The following PLCXD3 variants were observed in gnomAD, a reference collection of about 807,000 sequenced individuals.
PLCXD3 encodes PI-PLC X domain-containing protein 3.
Under a neutral mutation model 25.5 loss-of-function variants are expected in PLCXD3, and 19 were observed. The observed-to-expected ratio is 0.75, with a 90% CI of 0.52 to 1.09. The LOEUF is 1.09. Ranked by LOEUF, PLCXD3 falls within the 50% of genes least tolerant of loss-of-function variation. PLCXD3 has a pLI of 0.00. For synonymous variants in PLCXD3, 174 were observed against 137.6 expected, an observed-to-expected ratio of 1.26 and a Z score of -1.85; for missense variants, 411 against 388.1, an observed-to-expected ratio of 1.06 and a Z score of -0.50.
intron 1 of PLCXD3, among the ~76,000 whole-genome samples, chr5:41,489,974 G>T (rs568652511): frequency 5.3e-5 from 8 of 151,914 alleles, no homozygotes; most frequent in South Asian, 2.1e-4. Flanking sequence ...ACACTATGTT[G>T]AATAGGAGCG....
intron 2 of PLCXD3, among the ~76,000 whole-genome samples, chr5:41,331,174 C>A (rs1309770387): frequency 6.6e-6 from 1 of 152,176 alleles, no homozygotes; most frequent in Admixed American, 6.5e-5. Flanking sequence ...TTGCAGATGA[C>A]ATGATTGTAT....
At chr5:41,315,637 G>A (rs115075654) in intron 2 of PLCXD3, among the ~76,000 whole-genome samples, 2,089 of 152,198 alleles carry the variant, frequency 0.014, 52 homozygotes, top group African/African-American at 0.048. Flanking sequence ...TTTATATCGC[G>A]GAAAATGCCA....
At chr5:41,336,682 A>G (rs765177) in intron 2 of PLCXD3, among the ~76,000 whole-genome samples, 12,858 of 151,958 alleles carry the variant, frequency 0.085, 830 homozygotes, top group East Asian at 0.35. Context: ...AAGCCACCTC[A>G]CTCAATGCCA....
intron 2 of PLCXD3, among the ~76,000 whole-genome samples, chr5:41,354,438 C>G (rs1198713435): frequency 6.6e-6 from 1 of 151,968 alleles, no homozygotes; most frequent in Non-Finnish European, 1.5e-5. Context: ...TTTTCTTTGA[C>G]TCCTCATTTC....
At chr5:41,358,399 G>A (rs111267943) in intron 2 of PLCXD3, among the ~76,000 whole-genome samples, 13,506 of 152,064 alleles carry the variant, frequency 0.089, 890 homozygotes, top group East Asian at 0.35. Context: ...TAGTGCACCC[G>A]TCGCCTGAGC....
intron 1 of PLCXD3, among the ~76,000 whole-genome samples, chr5:41,441,240 C>T (rs1048792004): frequency 6.6e-6 from 1 of 152,052 alleles, no homozygotes; most frequent in African/African-American, 2.4e-5. Flanking sequence ...GGATACCTGG[C>T]AAAAAGGATA....
chr5:41,346,106 C>A (rs1744295846), intron 2 of PLCXD3, among the ~76,000 whole-genome samples: 1 of 152,134 alleles, frequency 6.6e-6, no homozygotes, highest in South Asian at 2.1e-4. Flanking sequence ...GTCTCGAACT[C>A]CTGACCTCAG....
At chr5:41,488,822 G>T (rs1196292268) in intron 1 of PLCXD3, among the ~76,000 whole-genome samples, 2 of 148,858 alleles carry the variant, frequency 1.3e-5, no homozygotes. Context: ...GTAGATTCTG[G>T]ATATTAGCCC....
At chr5:41,365,125 G>T (rs1365020313) in intron 2 of PLCXD3, among the ~76,000 whole-genome samples, 1 of 152,146 alleles carries the variant, frequency 6.6e-6, no homozygotes, top group African/African-American at 2.4e-5. Context: ...ACTCTCACTT[G>T]TTAGCCTAGT....
chr5:41,361,697 C>A (rs1349527969), intron 2 of PLCXD3, among the ~76,000 whole-genome samples: 1 of 152,172 alleles, frequency 6.6e-6, no homozygotes, highest in East Asian at 1.9e-4. Context: ...GGATAGCCTG[C>A]TTTGTCACAC....
At chr5:41,466,805 G>T (rs141696537) in intron 1 of PLCXD3, among the ~76,000 whole-genome samples, 1 of 151,848 alleles carries the variant, frequency 6.6e-6, no homozygotes, top group African/African-American at 2.4e-5. Flanking sequence ...AGACCATGTG[G>T]TATTTGTCTT....
intron 2 of PLCXD3, among the ~76,000 whole-genome samples, chr5:41,338,776 T>C (rs1368437668): frequency 6.6e-6 from 1 of 152,170 alleles, no homozygotes; most frequent in East Asian, 1.9e-4. Flanking sequence ...TTATTCTTCT[T>C]AAATACCCCC....
chr5:41,336,898 T>C (rs1179028000), intron 2 of PLCXD3, among the ~76,000 whole-genome samples: 1 of 152,074 alleles, frequency 6.6e-6, no homozygotes, highest in Non-Finnish European at 1.5e-5. Context: ...GAGTAAACCT[T>C]CTGCACACAA....
At chr5:41,421,169 C>A (rs1452319968) in intron 1 of PLCXD3, among the ~76,000 whole-genome samples, 1 of 152,062 alleles carries the variant, frequency 6.6e-6, no homozygotes, top group Non-Finnish European at 1.5e-5. Flanking sequence ...GGCATAATAT[C>A]CAAACATCAA....
chr5:41,493,216 G>A (rs1052375893), intron 1 of PLCXD3, among the ~76,000 whole-genome samples: 2 of 152,184 alleles, frequency 1.3e-5, no homozygotes. Context: ...TGTTTGCCTG[G>A]GTACCAGCAG....
chr5:41,472,476 G>A (rs1748187158), intron 1 of PLCXD3, among the ~76,000 whole-genome samples: 1 of 152,162 alleles, frequency 6.6e-6, no homozygotes, highest in Non-Finnish European at 1.5e-5. Context: ...GATAAACTGT[G>A]TTAAATTGTA....
chr5:41,332,093 G>A (rs1743831998), intron 2 of PLCXD3, among the ~76,000 whole-genome samples: 1 of 152,104 alleles, frequency 6.6e-6, no homozygotes, highest in South Asian at 2.1e-4. Flanking sequence ...ATTGACAAAT[G>A]GGATCTAATT....
At chr5:41,456,040 A>G (rs1274341652) in intron 1 of PLCXD3, among the ~76,000 whole-genome samples, 1 of 151,930 alleles carries the variant, frequency 6.6e-6, no homozygotes, top group Non-Finnish European at 1.5e-5. Context: ...GTAAAAAAAA[A>G]TAGGGGTCAA....
At chr5:41,371,457 G>T (rs561766091) in intron 2 of PLCXD3, among the ~76,000 whole-genome samples, 1 of 152,196 alleles carries the variant, frequency 6.6e-6, no homozygotes, top group South Asian at 2.1e-4. Context: ...GTTTGACTTT[G>T]CTCTAGCCCT....
Sources: gnomAD v4.1 joint callset for allele counts (sites outside exome capture counted in the v4.1 genomes callset) on GRCh38, gnomAD v4.1.1 for gene constraint, MANE v1.5 for transcripts, NCBI Gene and HGNC (gene_info 2026-07-23, HGNC 2026-07-21) for gene names.